IGFN1: variants seen among roughly 807,000 people sequenced by gnomAD.
IGFN1 encodes the protein immunoglobulin like and fibronectin type III domain containing 1, also known as immunoglobulin-like and fibronectin type III domain-containing protein 1.
In IGFN1, 253 loss-of-function variants were observed where a neutral mutation model predicts 289.5. The ratio of observed to expected loss-of-function variants is 0.87; its 90% CI spans 0.79 to 0.97. IGFN1 has a LOEUF of 0.97. IGFN1 is among the 50% of genes least tolerant of loss of function. The pLI, the probability that IGFN1 is intolerant of heterozygous loss-of-function variation, is 0.00. For missense variants in IGFN1, 4,470 were observed against 4,686.1 expected (o/e 0.95, Z 1.35); for synonymous variants, 1,706 against 1,788.5 (o/e 0.95, Z 1.16).
In IGFN1 at chr1:201,208,452, A is replaced by G. The variant is rs1377346301; in HGVS notation, c.3559A>G (p.Arg1187Gly). 1 of 1,446,048 alleles carries G rather than the reference A, an allele frequency of 6.9e-7. No individual in the cohort carries two copies. Among genetic ancestry groups the G allele is most frequent in the Non-Finnish European group, 9.0e-7 (1 of 1,106,596 alleles). The allele number at this position is 1,446,048 out of a possible 1,614,324, so 89.6% of individuals were successfully genotyped here. A position where few individuals can be genotyped will look rare whatever the true frequency, so the allele number is the denominator to read the frequency against. Residue 1187 changes from arginine to glycine, a missense_variant, in exon 12 of 24, where the codon AGG (arginine) becomes GGG (glycine). Physicochemically the swap from Arg to Gly is moderately radical, Grantham distance 125. This residue lies in a region of IGFN1 where 2,011 missense variants were observed against 1,953.4 expected (regional missense o/e 1.03). Transcript: ENST00000335211. ...GAGAGYRDDTRHPESLAPHNG... is the reference protein window; with the variant it reads ...GAGAGYRDDTGHPESLAPHNG... ...TGGAGCTGGTTATAGGGATGATACC[A>G]GGCACCCTGAGTCACTCGCACCTCA...
In IGFN1 at chr1:201,219,388, T is replaced by C. The variant is rs1253687798; in HGVS notation, c.9898+730T>C. On this transcript the variant is annotated intron_variant, in intron 18 of 23. Coordinates refer to ENST00000335211, the MANE Select transcript of IGFN1 (RefSeq NM_001164586.2). The stretch of plus-strand genomic sequence containing the variant: ...TGTGGTCTTGGGAACATGGAGTGTA[T>C]TGAGAGATGCCAACAGACATTCTGA... Among the ~76,000 whole-genome samples, 10 of 152,328 alleles carry C rather than the reference T, an allele frequency of 6.6e-5. No individual in the cohort carries two copies. In the South Asian group the frequency reaches 2.1e-3, roughly 32 times the overall value.
chr1:201,211,600 T>C lies in IGFN1; in HGVS notation c.6707T>C (p.Leu2236Ser). Residue 2236 changes from leucine (L) to serine (S), a missense_variant, in exon 12 of 24, where the codon TTA (leucine) becomes TCA (serine). This residue lies in a region of IGFN1 where 2,218 missense variants were observed against 2,114.1 expected (regional missense o/e 1.05). Coordinates refer to ENST00000335211, the MANE Select transcript of IGFN1 (RefSeq NM_001164586.2). Reference protein sequence around the residue: ...SGSKAGFRDGLGSSGEMGSMD... With the variant: ...SGSKAGFRDGSGSSGEMGSMD... Reference sequence around the variant, plus strand: ...AGTAAGGCAGGTTTCAGGGATGGTTTAGGGAGTTCTGGGGAAATGGGGTCA... The same window carrying C: ...AGTAAGGCAGGTTTCAGGGATGGTTCAGGGAGTTCTGGGGAAATGGGGTCA... The C allele has an allele frequency of 6.5e-7, 1 of 1,535,462 alleles. No individual in the cohort carries two copies. The highest frequency in any genetic ancestry group is 1.7e-4 in the Middle Eastern group (1 of 5,986).
In IGFN1 at chr1:201,212,026, C is replaced by T; in HGVS notation, c.7133C>T (p.Ala2378Val). The T allele has an allele frequency of 6.5e-7, 1 of 1,536,138 alleles. No homozygotes were observed. Among genetic ancestry groups the T allele is most frequent in the Non-Finnish European group, 8.7e-7 (1 of 1,146,690 alleles). ...TCACTGGCTGGAATAGGACATGAGG[C>T]TGGACCCAGAGGCCATAAAGCCATG... ...PGSLAGIGHE[A>V]GPRGHKAMGH... The change falls in exon 12 of 24, where the codon GCT becomes GTT. Residue 2378 changes from alanine (A) to valine (V), a missense_variant. Around this residue, in one of 8 missense-constraint regions of IGFN1, gnomAD observed 2,218 missense variants for 2,114.1 expected, o/e 1.05. Transcript: ENST00000335211.
Position 201,227,177 on chromosome 1 carries a change from G to C in IGFN1, c.11082G>C (p.Gln3694His), listed in dbSNP as rs1654165880. 6.2e-7 allele frequency: 1 copy of C among 1,607,032 alleles called. No individual in the cohort carries two copies. Among genetic ancestry groups the C allele is most frequent in the South Asian group, 1.1e-5 (1 of 90,118 alleles). Residue 3694 changes from glutamine to histidine, a missense_variant, in exon 23 of 24, where the codon CAG (glutamine) becomes CAC (histidine). Physicochemically the swap from Gln to His is conservative, Grantham distance 24. Transcript: ENST00000335211. ...CTGTGGCTGAGAACACGCTGGGCCA[G>C]GCAGTCAGCACTGCCACCCTCATTG... The part of the protein sequence containing the change: ...YKAVAENTLG[Q>H]AVSTATLIVI...
At chr1:201,223,773 A>G (rs1270388096) in intron 20 of IGFN1, among the ~76,000 whole-genome samples, 2 of 152,226 alleles carry the variant, frequency 1.3e-5, no homozygotes, top group Non-Finnish European at 1.5e-5. Context: ...CAAGGAATTA[A>G]TATATTGAAA....
At chr1:201,220,359 T>C (rs1653653943) in intron 18 of IGFN1, among the ~76,000 whole-genome samples, 1 of 152,212 alleles carries the variant, frequency 6.6e-6, no homozygotes, top group African/African-American at 2.4e-5. Flanking sequence ...ATTTATCTTT[T>C]TGTAGAGACA....
At position 201,214,228 on chromosome 1, in the gene IGFN1, G is replaced by T. The variant is rs775511241; in HGVS notation, c.8780G>T (p.Gly2927Val). Residue 2927 changes from glycine to valine, a missense_variant, in exon 13 of 24, where the codon GGG becomes GTG. Gly to Val is a moderately radical substitution (Grantham distance 109). Around this residue, in one of 8 missense-constraint regions of IGFN1, gnomAD observed 2,218 missense variants for 2,114.1 expected, o/e 1.05. Coordinates refer to ENST00000335211, the MANE Select transcript of IGFN1 (RefSeq NM_001164586.2). ...CTGGCTGACATGGAAGTGCAGCCGG[G>T]GGAGGCCGCCACACTCTCCTGTACC... is the stretch of plus-strand genomic sequence containing the variant. ...QGLADMEVQPGEAATLSCTLT... is the reference protein window; with the variant it reads ...QGLADMEVQPVEAATLSCTLT... 1.4e-5 allele frequency: 22 copies of T among 1,613,388 alleles called. No individual in the cohort carries two copies. The highest frequency in any genetic ancestry group is 1.7e-5 in the Non-Finnish European group (20 of 1,179,670).
In IGFN1 at chr1:201,206,226, C is replaced by T; in HGVS notation, c.1333C>T (p.Leu445Phe). Reference sequence around the variant, plus strand: ...AGAGCAGGGCCCCAGGGGGGGCTCCCTTGAAGGGGCTGGGCCGGCTTCTGG... The same window carrying T: ...AGAGCAGGGCCCCAGGGGGGGCTCCTTTGAAGGGGCTGGGCCGGCTTCTGG... ...SREQGPRGGSLEGAGPASGLQ... is the reference protein window; with the variant it reads ...SREQGPRGGSFEGAGPASGLQ... Residue 445 changes from leucine (L) to phenylalanine (F), a missense_variant, in exon 12 of 24, where the codon CTT (leucine) becomes TTT (phenylalanine). Physicochemically the swap from Leu to Phe is conservative, Grantham distance 22. Coordinates refer to ENST00000335211, the MANE Select transcript of IGFN1 (RefSeq NM_001164586.2). The T allele has an allele frequency of 3.9e-6, 6 of 1,547,932 alleles. No homozygotes were observed. The highest frequency in any genetic ancestry group is 2.0e-5 in the Admixed American group (1 of 50,508).
At chr1:201,228,319 C>T in intron 23 of IGFN1, 67 bp from the exon 24 acceptor site, 3 of 1,525,322 alleles carry the variant, frequency 2.0e-6, no homozygotes, top group Non-Finnish European at 2.7e-6. Context: ...GTTTTCTTCA[C>T]CACTGAACAG....
rs765398569 is a variant in IGFN1, at chr1:201,224,768, G to T, written c.10380G>T (p.Gln3460His). 5 of 1,614,190 alleles carry T rather than the reference G, an allele frequency of 3.1e-6. No individual in the cohort carries two copies. The highest frequency in any genetic ancestry group is 3.4e-6 in the Non-Finnish European group (4 of 1,180,022). ...SVTVTKDGLT[Q>H]LLIPVAGLSD... ...CTGTCACTAAGGATGGCCTCACCCA[G>T]CTTCTGATCCCTGTGGCTGGACTCT... Residue 3460 changes from glutamine to histidine, a missense_variant, in exon 21 of 24, where the codon CAG becomes CAT. By Grantham distance (24) the Gln-to-His change is conservative (BLOSUM62 0). This residue lies in a region of IGFN1 where 2,218 missense variants were observed against 2,114.1 expected (regional missense o/e 1.05). Coordinates refer to ENST00000335211, the MANE Select transcript of IGFN1 (RefSeq NM_001164586.2).
chr1:201,225,368 G>A (rs1181729449), intron 21 of IGFN1, among the ~76,000 whole-genome samples: 2 of 152,172 alleles, frequency 1.3e-5, no homozygotes, highest in Non-Finnish European at 1.5e-5. Flanking sequence ...AAAAATGCAT[G>A]CCTTGTCCTG....
In IGFN1 at chr1:201,212,153, T is replaced by G. The variant is rs1164739140; in HGVS notation, c.7260T>G (p.Pro2420=). Residue 2420 remains proline, a synonymous_variant, in exon 12 of 24, where the codon CCT becomes CCG. Transcript: ENST00000335211. ...CCAGGCTTGTGGATGGGGCAGGACCTGGGGTGGAACCTGGGATGGCTGGAA... is the reference window on the plus strand; with the variant it reads ...CCAGGCTTGTGGATGGGGCAGGACCGGGGGTGGAACCTGGGATGGCTGGAA... ...RETRLVDGAG[P]GVEPGMAGMP... is the part of the protein sequence containing the mutation. The G allele has an allele frequency of 8.5e-6, 13 of 1,535,996 alleles. No individual in the cohort carries two copies. The highest frequency in any genetic ancestry group is 1.1e-5 in the Non-Finnish European group (13 of 1,146,656).
chr1:201,196,485 C>T (rs1666923642), intron 4 of IGFN1, among the ~76,000 whole-genome samples: 2 of 152,314 alleles, frequency 1.3e-5, no homozygotes, highest in East Asian at 3.9e-4. Context: ...GCTGAGATTA[C>T]AGGCATGCGC....
rs770561958 is a variant in IGFN1 at position 201,209,965 on chromosome 1, G to T, written c.5072G>T (p.Gly1691Val). Residue 1691 changes from glycine to valine, a missense_variant, in exon 12 of 24, where the codon GGT (glycine) becomes GTT (valine). By Grantham distance (109) the Gly-to-Val change is moderately radical. Coordinates refer to ENST00000335211, the MANE Select transcript of IGFN1 (RefSeq NM_001164586.2). ...PEGIGSGSKA[G>V]FRDGLGSSVE... The stretch of plus-strand genomic sequence containing the variant: ...GGAATAGGTTCAGGGAGTAAGGCAG[G>T]TTTTAGGGATGGTTTAGGGAGTTCT... 2.4e-5 allele frequency: 36 copies of T among 1,497,452 alleles called. No individual in the cohort carries two copies. Among genetic ancestry groups the T allele is most frequent in the Non-Finnish European group, 3.1e-5 (35 of 1,117,282 alleles). 92.8% of individuals were successfully genotyped at this position (1,497,452 alleles called of 1,614,324 possible).
rs1426677173 is a variant in IGFN1 at position 201,205,359 on chromosome 1, G to C, written c.1189+5G>C. On this transcript the variant is annotated splice_donor_5th_base_variant and intron_variant, in intron 11 of 23. Transcript: ENST00000335211. ...GCGCCTGGCTGGTGGTTGAAGGTGA[G>C]TGCTTCAAAACTCTGTCTTTCTCTG... 1 of 1,526,854 alleles carries C rather than the reference G, an allele frequency of 6.5e-7. No individual in the cohort carries two copies. The highest frequency in any genetic ancestry group is 2.0e-5 in the Admixed American group (1 of 49,950). The allele number at this position is 1,526,854 out of a possible 1,614,324, so 94.6% of individuals were successfully genotyped here.
At chr1:201,217,000 AG>A (rs1226522908) in intron 16 of IGFN1, among the ~76,000 whole-genome samples, 1 of 152,144 alleles carries the variant, frequency 6.6e-6, no homozygotes, top group East Asian at 1.9e-4. Flanking sequence ...CGCGGGTCCC[AG>A]GGAGAGAGGA....
At position 201,215,125 on chromosome 1, in the gene IGFN1, A is replaced by G; in HGVS notation, c.8966A>G (p.Gln2989Arg). 6.2e-7 allele frequency: 1 copy of G among 1,613,750 alleles called. No homozygotes were observed. Among genetic ancestry groups the G allele is most frequent in the South Asian group, 1.1e-5 (1 of 91,064 alleles). Residue 2989 changes from glutamine to arginine, a missense_variant, in exon 14 of 24, where the codon CAG becomes CGG. Physicochemically the swap from Gln to Arg is conservative, Grantham distance 43. This residue lies in a region of IGFN1 where 2,218 missense variants were observed against 2,114.1 expected (regional missense o/e 1.05). Transcript: ENST00000335211. ...AGGTACACCTTTGTAGCTGGTGACCAGCAGAGCGAGGCCACCCTGACCGTC... is the reference window on the plus strand; with the variant it reads ...AGGTACACCTTTGTAGCTGGTGACCGGCAGAGCGAGGCCACCCTGACCGTC... ...AGRYTFVAGD[Q>R]QSEATLTVQD...
In IGFN1 at chr1:201,211,935, G is replaced by C. The variant is rs763935808; in HGVS notation, c.7042G>C (p.Gly2348Arg). The change falls in exon 12 of 24, where the codon GGG becomes CGG. Residue 2348 changes from glycine to arginine, a missense_variant. Coordinates refer to ENST00000335211, the MANE Select transcript of IGFN1 (RefSeq NM_001164586.2). Reference protein sequence around the residue: ...VSYRGGSGGSGETGPEGKMGY... With the variant: ...VSYRGGSGGSRETGPEGKMGY... The stretch of plus-strand genomic sequence containing the variant: ...TTATAGAGGAGGCTCAGGAGGATCT[G>C]GGGAAACGGGACCAGAGGGTAAGAT... The C allele has an allele frequency of 2.0e-6, 3 of 1,527,686 alleles. No homozygotes were observed. The highest frequency in any genetic ancestry group is 2.6e-6 in the Non-Finnish European group (3 of 1,142,022). 94.6% of individuals were successfully genotyped at this position (1,527,686 alleles called of 1,614,324 possible).
chr1:201,222,805 T>C lies in IGFN1; in HGVS notation c.10268T>C (p.Val3423Ala). Residue 3423 changes from valine (V) to alanine (A), a missense_variant, in exon 20 of 24, where the codon GTT becomes GCT. Val to Ala is a moderately conservative substitution (Grantham distance 64, BLOSUM62 0). Coordinates refer to ENST00000335211, the MANE Select transcript of IGFN1 (RefSeq NM_001164586.2). ...DLLTVKVGDT[V>A]RVPVSFEAMP... Reference sequence around the variant, plus strand: ...CTGACAGTCAAGGTCGGGGACACAGTTCGTGTGCCCGTCTCCTTTGAAGTG... The same window carrying C: ...CTGACAGTCAAGGTCGGGGACACAGCTCGTGTGCCCGTCTCCTTTGAAGTG... The C allele has an allele frequency of 6.2e-7, 1 of 1,612,974 alleles. No individual in the cohort carries two copies. Among genetic ancestry groups the C allele is most frequent in the South Asian group, 1.1e-5 (1 of 90,870 alleles).
Sources: gnomAD v4.1 joint callset for allele counts (sites outside exome capture counted in the v4.1 genomes callset) on GRCh38, gnomAD v4.1.1 for gene constraint, gnomAD v4.1.1 regional missense constraint, MANE v1.5 for transcripts, NCBI Gene and HGNC (gene_info 2026-07-23, HGNC 2026-07-21) for gene names.